The following UIMC1 variants were observed in gnomAD, a reference collection of about 807,000 sequenced individuals.
UIMC1 encodes BRCA1-A complex subunit RAP80.
UIMC1 carries 42 observed loss-of-function variants against 84.9 expected under a neutral mutation model. The ratio of observed to expected loss-of-function variants is 0.49; its 90% CI spans 0.39 to 0.64. The LOEUF (loss-of-function observed/expected upper bound fraction) is 0.64, where lower values mean the gene tolerates loss of function less well. Ranked by LOEUF, UIMC1 falls within the 30% of genes least tolerant of loss-of-function variation. The pLI, the probability that UIMC1 is intolerant of heterozygous loss-of-function variation, is 0.00. For missense variants in UIMC1, 825 were observed against 847.6 expected (o/e 0.97, Z 0.33); for synonymous variants, 281 against 293.0 (o/e 0.96, Z 0.42).
intron 1 of UIMC1, among the ~76,000 whole-genome samples, chr5:177,016,904 T>C (rs1218340884): frequency 2.0e-5 from 3 of 151,514 alleles, no homozygotes; most frequent in African/African-American, 7.3e-5. Flanking sequence ...GTGCCTCTAG[T>C]CCCAGCTACT....
At chr5:176,924,005 C>T (rs1762066579) in intron 10 of UIMC1, among the ~76,000 whole-genome samples, 1 of 150,952 alleles carries the variant, frequency 6.6e-6, no homozygotes, top group Non-Finnish European at 1.5e-5. Context: ...TTATATGAAA[C>T]CGTGAAAGAC....
At chr5:176,920,842 T>C (rs540567442) in intron 10 of UIMC1, among the ~76,000 whole-genome samples, 247 of 152,336 alleles carry the variant, frequency 1.6e-3, no homozygotes, top group African/African-American at 5.7e-3. Flanking sequence ...AGAATGAACA[T>C]CCTTGTCTTG....
intron 10 of UIMC1, among the ~76,000 whole-genome samples, chr5:176,939,449 T>C (rs1764154889): frequency 6.6e-6 from 1 of 152,178 alleles, no homozygotes; most frequent in African/African-American, 2.4e-5. Context: ...ACCATCTATA[T>C]GATGGGGGTG....
chr5:176,908,197 T>C (rs1026801462), intron 12 of UIMC1, among the ~76,000 whole-genome samples: 2 of 152,092 alleles, frequency 1.3e-5, no homozygotes, highest in African/African-American at 4.8e-5. Flanking sequence ...GAGAATAGTG[T>C]TAATTACATT....
chr5:176,993,319 A>G (rs900866912), intron 1 of UIMC1, among the ~76,000 whole-genome samples: 2 of 152,008 alleles, frequency 1.3e-5, no homozygotes, highest in South Asian at 4.1e-4. Flanking sequence ...CCAAGTAGCT[A>G]GGACCACAGG....
intron 1 of UIMC1, among the ~76,000 whole-genome samples, chr5:177,000,972 TTTA>T (rs1283234684): frequency 6.6e-6 from 1 of 152,192 alleles, no homozygotes; most frequent in Non-Finnish European, 1.5e-5. Context: ...GTCTCTTCAC[TTTA>T]TTGTTTCCTT....
intron 6 of UIMC1, among the ~76,000 whole-genome samples, chr5:176,961,930 C>A (rs1217405948): frequency 4.8e-5 from 3 of 62,700 alleles, no homozygotes; most frequent in Non-Finnish European, 9.8e-5. Flanking sequence ...CCGCCCCGTC[C>A]GGGAGGGAGG....
At chr5:176,914,024 C>G (rs1394457651) in intron 10 of UIMC1, among the ~76,000 whole-genome samples, 1 of 145,662 alleles carries the variant, frequency 6.9e-6, no homozygotes, top group Non-Finnish European at 1.5e-5. Context: ...ATACCATACA[C>G]CATACCATAC....
At chr5:176,923,874 A>ATAT (rs61342160) in intron 10 of UIMC1, among the ~76,000 whole-genome samples, 110 of 146,356 alleles carry the variant, frequency 7.5e-4, no homozygotes, top group Non-Finnish European at 7.4e-4. Context: ...AAAAAAAAAA[A>ATAT]ATATATATAT....
chr5:176,929,125 C>T (rs139776092), intron 10 of UIMC1, among the ~76,000 whole-genome samples: 2,416 of 144,910 alleles, frequency 0.017, 67 homozygotes, highest in African/African-American at 0.058. Context: ...GGTGGTGGCG[C>T]GCACTTGTAG....
rs150477320 is a variant in UIMC1 at position 177,016,852 on chromosome 5, G to A, written c.-9+5612C>T. 4.0e-3 allele frequency among the ~76,000 whole-genome samples: 612 copies of A among 151,590 alleles called. 3 individuals carry two copies. Among genetic ancestry groups the A allele is most frequent in the South Asian group, 0.011 (53 of 4,792 alleles). Reference sequence around the variant, plus strand: ...ACCCTGGCCAACATGGTAAAACCCCGTCTCTACTAAAATTACAAAAAATAG... The same window carrying A: ...ACCCTGGCCAACATGGTAAAACCCCATCTCTACTAAAATTACAAAAAATAG... On this transcript the variant is annotated intron_variant, in intron 1 of 5. Coordinates refer to the UIMC1 transcript ENST00000509236.
chr5:177,020,806 C>T (rs1343076145), intron 1 of UIMC1, among the ~76,000 whole-genome samples: 1 of 152,166 alleles, frequency 6.6e-6, no homozygotes, highest in African/African-American at 2.4e-5. Context: ...TCTTGTTCAC[C>T]ACTATATTTC....
At chr5:176,982,441 C>T in intron 2 of UIMC1, 28 bp downstream of exon 2, 2 of 1,600,008 alleles carry the variant, frequency 1.2e-6, no homozygotes, top group Non-Finnish European at 1.7e-6. Context: ...AGAGCTACAG[C>T]TCTACTTTTC....
At chr5:177,021,331 T>C (rs930185855) in intron 1 of UIMC1, among the ~76,000 whole-genome samples, 1 of 152,150 alleles carries the variant, frequency 6.6e-6, no homozygotes, top group African/African-American at 2.4e-5. Context: ...CCTGCCTTCC[T>C]GGGGCTTGCC....
chr5:176,934,097 T>A (rs1763438014), intron 10 of UIMC1, among the ~76,000 whole-genome samples: 1 of 152,120 alleles, frequency 6.6e-6, no homozygotes, highest in Admixed American at 6.6e-5. Context: ...CTGTATTATA[T>A]CCCTTACCAT....
At chr5:176,977,771 G>A (rs1398038815) in intron 2 of UIMC1, among the ~76,000 whole-genome samples, 2 of 151,798 alleles carry the variant, frequency 1.3e-5, no homozygotes, top group African/African-American at 4.8e-5. Context: ...TTGCGCAGGT[G>A]TGGTGGCAGG....
intron 10 of UIMC1, among the ~76,000 whole-genome samples, chr5:176,923,905 A>G (rs1270479156): frequency 8.3e-5 from 7 of 84,168 alleles, no homozygotes; most frequent in Non-Finnish European, 1.7e-4. Flanking sequence ...ACACAGACAC[A>G]CACACACACA....
At chr5:176,966,888 T>TA (rs1768385626) in intron 6 of UIMC1, among the ~76,000 whole-genome samples, 1 of 152,186 alleles carries the variant, frequency 6.6e-6, no homozygotes, top group African/African-American at 2.4e-5. Flanking sequence ...TCATAAGATC[T>TA]AACAGACAGA....
intron 3 of UIMC1, among the ~76,000 whole-genome samples, chr5:176,975,016 C>T (rs1007158026): frequency 1.3e-5 from 2 of 151,696 alleles, no homozygotes; most frequent in East Asian, 1.9e-4. Context: ...AGCCAGGCGT[C>T]GTGGGGCATA....
Sources: allele counts gnomAD v4.1 joint callset (sites outside exome capture counted in the v4.1 genomes callset), GRCh38; gene constraint gnomAD v4.1.1; transcripts MANE v1.5; gene names NCBI Gene and HGNC (gene_info 2026-07-23, HGNC 2026-07-21).